Variants in CTR9 observed in about 807,000 individuals in gnomAD.
CTR9 encodes RNA polymerase-associated protein CTR9 homolog.
CTR9 carries 41 observed loss-of-function variants against 152.1 expected under a neutral mutation model. The observed-to-expected ratio is 0.27, with a 90% confidence interval of 0.21 to 0.35. The LOEUF is 0.35. Among genes scored for constraint, CTR9 ranks in the 10% least tolerant of loss-of-function variants. The pLI is 1.00. For synonymous variants in CTR9, 476 were observed against 496.2 expected (o/e 0.96, Z 0.54); for missense variants, 917 against 1,424.4 (o/e 0.64, Z 5.73).
At chr11:10,759,962 G>A (rs998470026) in intron 5 of CTR9, among the ~76,000 whole-genome samples, 1 of 152,204 alleles carries the variant, frequency 6.6e-6, no homozygotes. Flanking sequence ...AGTGAGAAAT[G>A]TGTCAGTGAT....
At chr11:10,771,340 T>C (rs530053471) in intron 18 of CTR9, among the ~76,000 whole-genome samples, 6 of 152,342 alleles carry the variant, frequency 3.9e-5, no homozygotes, top group Admixed American at 3.9e-4. Flanking sequence ...TTGTGGTTAT[T>C]TGTGAATTTA....
At chr11:10,769,682 C>G (rs1863112462) in intron 16 of CTR9, among the ~76,000 whole-genome samples, 1 of 152,132 alleles carries the variant, frequency 6.6e-6, no homozygotes, top group African/African-American at 2.4e-5. Context: ...AAGGTCTTAC[C>G]TATGACAAGA....
At position 10,779,161 on chromosome 11, in the gene CTR9, G is replaced by A; in HGVS notation, c.*56G>A. ...GAGGAAACTTTTTTAATATATGAAA[G>A]CTGTGATAAAAATGTTTCAGATGTT... On this transcript the variant is annotated 3_prime_UTR_variant, in exon 25 of 25. Transcript: ENST00000361367. The A allele has an allele frequency of 3.3e-6, 5 of 1,493,072 alleles. No individual in the cohort carries two copies. Among genetic ancestry groups the A allele is most frequent in the Non-Finnish European group, 4.5e-6 (5 of 1,113,780 alleles). 92.5% of individuals were successfully genotyped at this position (1,493,072 alleles called of 1,614,324 possible).
At chr11:10,771,858 A>T (rs182458547) in intron 19 of CTR9, among the ~76,000 whole-genome samples, 1 of 152,150 alleles carries the variant, frequency 6.6e-6, no homozygotes, top group Non-Finnish European at 1.5e-5. Context: ...TATGTCAGCT[A>T]TGTCAGCCTA....
intron 6 of CTR9, among the ~76,000 whole-genome samples, chr11:10,760,894 G>T (rs1005734819): frequency 3.0e-4 from 46 of 152,156 alleles, no homozygotes; most frequent in African/African-American, 1.1e-3. Context: ...GATGGCTGCA[G>T]CATCTCCAGC....
intron 21 of CTR9, 122 bp from the exon 22 acceptor site, chr11:10,773,884 CAAAAAA>C (rs11386264): frequency 1.2e-5 from 5 of 401,800 alleles, no homozygotes; most frequent in Non-Finnish European, 2.1e-5. Flanking sequence ...GACTTCATCT[CAAAAAA>C]AAAAAAAAAA....
intron 16 of CTR9, among the ~76,000 whole-genome samples, chr11:10,769,205 A>G (rs913287311): frequency 6.6e-6 from 1 of 152,166 alleles, no homozygotes; most frequent in Non-Finnish European, 1.5e-5. Context: ...CTGGGCGACA[A>G]AGCCAGACTC....
chr11:10,755,184 T>G lies in CTR9; in HGVS notation c.371T>G (p.Ile124Ser). 1 of 1,609,532 alleles carries G rather than the reference T, an allele frequency of 6.2e-7. No homozygotes were observed. The highest frequency in any genetic ancestry group is 1.1e-5 in the South Asian group (1 of 89,812). Residue 124 changes from isoleucine (I) to serine (S), a missense_variant, in exon 3 of 25, where the codon ATT becomes AGT. Physicochemically the swap from Ile to Ser is moderately radical, Grantham distance 142. Coordinates refer to ENST00000361367, the MANE Select transcript of CTR9 (RefSeq NM_014633.5). Reference sequence around the variant, plus strand: ...TTGTATACAATGGCCGATAAAATTATTATGTATGATCAGGTAAAAATAAAG... The same window carrying G: ...TTGTATACAATGGCCGATAAAATTAGTATGTATGATCAGGTAAAAATAAAG... Reference protein sequence around the residue: ...TLLYTMADKIIMYDQNHLLGR... With the variant: ...TLLYTMADKISMYDQNHLLGR...
Position 10,763,648 on chromosome 11 carries a change from T to C in CTR9, c.963T>C (p.Asp321=), listed in dbSNP as rs1266485177. The C allele has an allele frequency of 6.2e-7, 1 of 1,601,512 alleles. No homozygotes were observed. The highest frequency in any genetic ancestry group is 1.1e-5 in the South Asian group (1 of 88,014). Residue 321 remains aspartate, a synonymous_variant, in exon 9 of 25, where the codon GAT becomes GAC. Coordinates refer to ENST00000361367, the MANE Select transcript of CTR9 (RefSeq NM_014633.5). ...QLARSFHVQE[D]YDQAFQYYYQ... is the part of the protein sequence containing the mutation. ...TTTTAATTTTCATTCTTTAGGAAGA[T>C]TATGACCAAGCTTTTCAGTACTATT...
chr11:10,773,077 T>G (rs376933354), intron 20 of CTR9, 50 bp from the exon 21 acceptor site: 8 of 1,568,986 alleles, frequency 5.1e-6, no homozygotes, highest in Non-Finnish European at 6.9e-6. Flanking sequence ...TAATTTTTCA[T>G]CATAAGAAAA....
intron 24 of CTR9, among the ~76,000 whole-genome samples, chr11:10,777,254 A>G (rs999316601): frequency 3.9e-5 from 6 of 151,914 alleles, no homozygotes; most frequent in African/African-American, 1.2e-4. Context: ...AGTTCTGGCC[A>G]GGTGAGGTGG....
intron 5 of CTR9, among the ~76,000 whole-genome samples, chr11:10,757,253 C>T (rs944781404): frequency 4.6e-5 from 7 of 152,072 alleles, no homozygotes; most frequent in Admixed American, 2.0e-4. Flanking sequence ...CCATTGCATT[C>T]CAGCCTGGGC....
Position 10,755,762 on chromosome 11 carries a change from A to C in CTR9, c.469A>C (p.Asn157His). Residue 157 changes from asparagine to histidine, a missense_variant, in exon 4 of 25, where the codon AAT becomes CAT. By Grantham distance (68) the Asn-to-His change is moderately conservative. Around this residue, in one of 9 missense-constraint regions of CTR9, gnomAD observed 110 missense variants for 149.5 expected, o/e 0.74. Transcript: ENST00000361367. ...QADAQFHFVL[N>H]QSPNNIPALL... ...TGATGCACAGTTTCATTTTGTACTC[A>C]ATCAGTCTCCAAATAATATTCCAGC... The C allele has an allele frequency of 6.2e-7, 1 of 1,612,896 alleles. No individual in the cohort carries two copies. The highest frequency in any genetic ancestry group is 1.1e-5 in the South Asian group (1 of 90,988).
At chr11:10,763,569 CT>C (rs1564967839) in intron 8 of CTR9, 31 bp downstream of exon 8, 1 of 1,572,114 alleles carries the variant, frequency 6.4e-7, no homozygotes, top group Non-Finnish European at 8.6e-7. Context: ...AATGTCTAAT[CT>C]TTTTACTTAT....
At position 10,768,415 on chromosome 11, in the gene CTR9, C is replaced by T. The variant is rs916763680; in HGVS notation, c.2033C>T (p.Ala678Val). 1 of 1,614,078 alleles carries T rather than the reference C, an allele frequency of 6.2e-7. No homozygotes were observed. The highest frequency in any genetic ancestry group is 2.2e-5 in the East Asian group (1 of 44,874). ...TTTGCCCAAGTAAGAGAAGCAACAG[C>T]AGATATTAGTGATGTGTGGCTGAAC... is the stretch of plus-strand genomic sequence containing the variant. ...DVFAQVREAT[A>V]DISDVWLNLA... The change falls in exon 16 of 25, where the codon GCA (alanine) becomes GTA (valine). Residue 678 changes from alanine (A) to valine (V), a missense_variant. Ala to Val is a moderately conservative substitution (Grantham distance 64, BLOSUM62 0). This residue lies in a region of CTR9 where 87 missense variants were observed against 235.7 expected (regional missense o/e 0.37). Transcript: ENST00000361367.
chr11:10,778,282 A>G (rs981777301), intron 24 of CTR9, among the ~76,000 whole-genome samples: 2 of 152,232 alleles, frequency 1.3e-5, no homozygotes, highest in East Asian at 3.8e-4. Flanking sequence ...AAAGTCTTCA[A>G]GCCAGTTGAG....
chr11:10,770,278 C>T lies in CTR9; in HGVS notation c.2178C>T (p.Ala726=). 1 of 1,613,998 alleles carries T rather than the reference C, an allele frequency of 6.2e-7. No individual in the cohort carries two copies. Among genetic ancestry groups the T allele is most frequent in the Non-Finnish European group, 8.5e-7 (1 of 1,179,958 alleles). ...AAGTTGTACTCTATTTGGCCCGGGC[C>T]CTCTTCAAGTGTGGCAAGTTACAGG... ...NTEVVLYLAR[A]LFKCGKLQEC... Residue 726 remains alanine (A), a synonymous_variant, in exon 17 of 25, where the codon GCC becomes GCT. Coordinates refer to ENST00000361367, the MANE Select transcript of CTR9 (RefSeq NM_014633.5).
intron 5 of CTR9, among the ~76,000 whole-genome samples, chr11:10,757,711 T>C (rs1056398191): frequency 6.6e-6 from 1 of 152,224 alleles, no homozygotes; most frequent in Non-Finnish European, 1.5e-5. Context: ...TTCTAAACCC[T>C]GAGAATGTAG....
At chr11:10,752,360 T>G (rs112013426) in intron 1 of CTR9, among the ~76,000 whole-genome samples, 1 of 152,222 alleles carries the variant, frequency 6.6e-6, no homozygotes, top group African/African-American at 2.4e-5. Context: ...TATCTGCACT[T>G]TACTTGGATT....
Sources: gnomAD v4.1 joint callset for allele counts (sites outside exome capture counted in the v4.1 genomes callset) on GRCh38, gnomAD v4.1.1 for gene constraint, gnomAD v4.1.1 regional missense constraint, MANE v1.5 for transcripts, NCBI Gene and HGNC (gene_info 2026-07-23, HGNC 2026-07-21) for gene names.